Variants in OSBPL9 observed in about 807,000 individuals in gnomAD.
OSBPL9 encodes oxysterol-binding protein-related protein 9.
In OSBPL9, 40 loss-of-function variants were observed where a neutral mutation model predicts 106.6. The observed-to-expected ratio is 0.38, with a 90% confidence interval of 0.29 to 0.49. The LOEUF (loss-of-function observed/expected upper bound fraction) is 0.49. Ranked by LOEUF, OSBPL9 falls within the 20% of genes least tolerant of loss-of-function variation. The pLI, the probability that OSBPL9 is intolerant of heterozygous loss-of-function variation, is 0.97. For synonymous variants in OSBPL9, 269 were observed against 295.4 expected (o/e 0.91, Z 0.92); for missense variants, 609 against 887.2 (o/e 0.69, Z 3.98).
At chr1:51,732,674 G>A (rs1250960321) in intron 4 of OSBPL9, among the ~76,000 whole-genome samples, 2 of 152,038 alleles carry the variant, frequency 1.3e-5, no homozygotes, top group African/African-American at 2.4e-5. Flanking sequence ...GGCCATCATG[G>A]TCTCTCACCT....
At position 51,658,715 on chromosome 1, in the gene OSBPL9, C is replaced by T. The variant is rs866392151; in HGVS notation, c.162+6674C>T. ...ATATTAATATTTTCAGTAATGACTT[C>T]TGTTAGTGCCCTATTTCATTGATAC... is the stretch of plus-strand genomic sequence containing the variant. On this transcript the variant is annotated intron_variant, in intron 2 of 23. Coordinates refer to ENST00000428468, the MANE Select transcript of OSBPL9 (RefSeq NM_024586.6). 2.0e-5 allele frequency among the ~76,000 whole-genome samples: 3 copies of T among 152,052 alleles called. No individual in the cohort carries two copies. In the South Asian group the frequency reaches 6.2e-4, roughly 32 times the overall value.
intron 11 of OSBPL9, 174 bp from the exon 12 acceptor site, chr1:51,765,648 A>G: frequency 2.0e-6 from 1 of 502,282 alleles, no homozygotes; most frequent in East Asian, 3.4e-5. Context: ...TTATATCATG[A>G]TTTGCCATTT....
intron 12 of OSBPL9, among the ~76,000 whole-genome samples, chr1:51,768,187 C>T (rs370614095): frequency 9.2e-5 from 14 of 151,832 alleles, no homozygotes; most frequent in East Asian, 3.9e-4. Context: ...ATGATCAGCC[C>T]GCCTCGGCCT....
In OSBPL9 at chr1:51,776,807, A is replaced by C. The variant is rs754226853; in HGVS notation, c.1171-26A>C. On this transcript the variant is annotated intron_variant, in intron 14 of 23. Coordinates refer to ENST00000428468, the MANE Select transcript of OSBPL9 (RefSeq NM_024586.6). ...TTATCTGAAGAGAAATTTGATCTTCAAGGGTCAAATGTGTATGTTTTTCAG... is the reference window on the plus strand; with the variant it reads ...TTATCTGAAGAGAAATTTGATCTTCCAGGGTCAAATGTGTATGTTTTTCAG... 6 of 1,480,264 alleles carry C rather than the reference A, an allele frequency of 4.1e-6. No homozygotes were observed. The East Asian group carries it at 1.4e-4, about 34-fold the overall frequency. The allele number at this position is 1,480,264 out of a possible 1,614,324, so 91.7% of individuals were successfully genotyped here. A position where few individuals can be genotyped will look rare whatever the true frequency, so the allele number is the denominator to read the frequency against.
rs149501959 is a variant in OSBPL9, at chr1:51,785,827, T to A, written c.1849T>A (p.Ser617Thr). 494 of 1,608,998 alleles carry A rather than the reference T, an allele frequency of 3.1e-4. 2 individuals carry two copies. In the African/African-American group the frequency reaches 5.7e-3, roughly 19 times the overall value. ...GTTCAGTTCTCCAAATGACAAGAAG[T>A]CTTTTTGCTCAATTGAAGGGGAATG... ...AEIFSPNDKK[S>T]FCSIEGEWNG... Residue 617 changes from serine (S) to threonine (T), a missense_variant, in exon 21 of 24, where the codon TCT (serine) becomes ACT (threonine). Physicochemically the swap from Ser to Thr is moderately conservative, Grantham distance 58 (BLOSUM62 1). This residue lies in a region of OSBPL9 where 132 missense variants were observed against 158.1 expected (regional missense o/e 0.83). Transcript: ENST00000428468.
intron 4 of OSBPL9, among the ~76,000 whole-genome samples, chr1:51,718,639 T>C (rs1245576471): frequency 6.6e-6 from 1 of 152,218 alleles, no homozygotes; most frequent in Non-Finnish European, 1.5e-5. Flanking sequence ...AAAAGCAAGA[T>C]GGTTGTATCT....
chr1:51,627,824 ACT>A (rs1046273137), intron 1 of OSBPL9, among the ~76,000 whole-genome samples: 2 of 151,594 alleles, frequency 1.3e-5, no homozygotes, highest in African/African-American at 2.4e-5. Context: ...ACTCGACAGC[ACT>A]CTTTTTTACC....
intron 4 of OSBPL9, among the ~76,000 whole-genome samples, chr1:51,730,985 A>G (rs891279442): frequency 6.6e-6 from 1 of 151,748 alleles, no homozygotes; most frequent in Non-Finnish European, 1.5e-5. Flanking sequence ...AGTTGATGAA[A>G]CCCTTTAATG....
chr1:51,691,992 A>G (rs1038875892), intron 3 of OSBPL9, among the ~76,000 whole-genome samples: 1 of 152,138 alleles, frequency 6.6e-6, no homozygotes, highest in African/African-American at 2.4e-5. Context: ...AAATAAATAA[A>G]TAGAAGGCAT....
chr1:51,658,216 G>T (rs556314969), intron 2 of OSBPL9, among the ~76,000 whole-genome samples: 7 of 152,188 alleles, frequency 4.6e-5, no homozygotes, highest in African/African-American at 7.2e-5. Flanking sequence ...GTGACTTGAG[G>T]CAACTTTTCA....
At chr1:51,740,443 T>G (rs925712393) in intron 4 of OSBPL9, among the ~76,000 whole-genome samples, 1 of 152,090 alleles carries the variant, frequency 6.6e-6, no homozygotes, top group African/African-American at 2.4e-5. Flanking sequence ...TTATTTTTCA[T>G]TAGGAGGCTT....
intron 9 of OSBPL9, among the ~76,000 whole-genome samples, chr1:51,757,230 G>A (rs879683530): frequency 7.9e-5 from 12 of 152,068 alleles, no homozygotes; most frequent in South Asian, 6.2e-4. Context: ...CTGTGTTTGC[G>A]TATTTCTTAA....
At chr1:51,741,456 TTTCC>T (rs923405331) in intron 4 of OSBPL9, among the ~76,000 whole-genome samples, 5 of 147,832 alleles carry the variant, frequency 3.4e-5, no homozygotes, top group Non-Finnish European at 7.5e-5. Context: ...CCCTTCCTTC[TTTCC>T]TTCCTTCCTC....
chr1:51,646,057 C>T (rs773515656), intron 1 of OSBPL9, among the ~76,000 whole-genome samples: 47 of 152,166 alleles, frequency 3.1e-4, no homozygotes, highest in Non-Finnish European at 6.2e-4. Flanking sequence ...GTGAGTCCTC[C>T]AATGTTGTTC....
At chr1:51,581,054 C>G (rs1472018425) in intron 1 of OSBPL9, among the ~76,000 whole-genome samples, 2 of 146,638 alleles carry the variant, frequency 1.4e-5, no homozygotes, top group Non-Finnish European at 3.0e-5. Context: ...GGTGATCCTC[C>G]TACCTCAGGC....
intron 4 of OSBPL9, among the ~76,000 whole-genome samples, chr1:51,738,449 A>G (rs1666187893): frequency 6.6e-6 from 1 of 152,048 alleles, no homozygotes; most frequent in Non-Finnish European, 1.5e-5. Flanking sequence ...ATGTTCAAAA[A>G]TTAGATTCTT....
chr1:51,536,093 C>G, the OSBPL9 span, among the ~76,000 whole-genome samples: 2 of 152,210 alleles, frequency 1.3e-5, no homozygotes, highest in South Asian at 4.1e-4. Flanking sequence ...AAAGGACATT[C>G]TCTTATATAC....
At position 51,749,461 on chromosome 1, in the gene OSBPL9, C is replaced by T. The variant is rs561086896; in HGVS notation, c.493-684C>T. The T allele has an allele frequency of 3.0e-4, 119 of 392,788 alleles. 2 individuals carry two copies. The highest frequency in any genetic ancestry group is 1.9e-3 in the South Asian group (97 of 52,282). 24.3% of individuals were successfully genotyped at this position (392,788 alleles called of 1,614,324 possible). A position where few individuals can be genotyped will look rare whatever the true frequency, so the allele number is the denominator to read the frequency against. ...TTGAGTAGCTAGGGCTATAGGCACA[C>T]GCTACCACACACAGCTAATTTTTAT... On this transcript the variant is annotated intron_variant, in intron 7 of 23. Coordinates refer to ENST00000428468, the MANE Select transcript of OSBPL9 (RefSeq NM_024586.6).
chr1:51,684,929 T>A (rs1274532604), intron 3 of OSBPL9, among the ~76,000 whole-genome samples: 2 of 151,058 alleles, frequency 1.3e-5, no homozygotes, highest in African/African-American at 2.4e-5. Flanking sequence ...TTTTTTTTTT[T>A]GCAAGAGAAT....
Sources: allele counts gnomAD v4.1 joint callset (sites outside exome capture counted in the v4.1 genomes callset), GRCh38; gene constraint gnomAD v4.1.1; regional missense constraint gnomAD v4.1.1; transcripts MANE v1.5; gene names NCBI Gene and HGNC (gene_info 2026-07-23, HGNC 2026-07-21).